Variants in PRKD3 observed in about 807,000 individuals in gnomAD.
The protein encoded by PRKD3 is serine/threonine-protein kinase D3.
In PRKD3, 47 loss-of-function variants were observed where a neutral mutation model predicts 99.2. The observed-to-expected ratio is 0.47, with a 90% CI of 0.38 to 0.60. The LOEUF (loss-of-function observed/expected upper bound fraction) is 0.60. Among genes scored for constraint, PRKD3 ranks in the 20% least tolerant of loss-of-function variants. PRKD3 has a pLI of 0.00. For synonymous variants in PRKD3, 392 were observed against 355.4 expected, an observed-to-expected ratio of 1.10 and a Z score of -1.16; for missense variants, 1,019 against 1,088.4, an observed-to-expected ratio of 0.94 and a Z score of 0.90.
intron 2 of PRKD3, among the ~76,000 whole-genome samples, chr2:37,310,820 A>C (rs1671391883): frequency 6.6e-6 from 1 of 152,240 alleles, no homozygotes; most frequent in South Asian, 2.1e-4. Context: ...ACCAGAGATC[A>C]GAGATTGATC....
chr2:37,272,647 G>A (rs893937085), intron 11 of PRKD3, among the ~76,000 whole-genome samples: 2 of 151,966 alleles, frequency 1.3e-5, no homozygotes, highest in Admixed American at 6.6e-5. Context: ...ACATTTAATC[G>A]ATGATGTAGG....
At chr2:37,278,039 T>C in intron 8 of PRKD3, 50 bp from the exon 9 acceptor site, 1 of 1,503,590 alleles carries the variant, frequency 6.7e-7, no homozygotes, top group Non-Finnish European at 9.1e-7. Flanking sequence ...TAAAAAATCA[T>C]ATAAATACTG....
chr2:37,287,799 C>A (rs1286990569), intron 5 of PRKD3, among the ~76,000 whole-genome samples: 1 of 152,166 alleles, frequency 6.6e-6, no homozygotes, highest in Non-Finnish European at 1.5e-5. Context: ...GTCATAGTTA[C>A]CAAAATCTAC....
At position 37,293,285 on chromosome 2, in the gene PRKD3, G is replaced by T; in HGVS notation, c.289-14C>A. 1 of 1,562,154 alleles carries T rather than the reference G, an allele frequency of 6.4e-7. No homozygotes were observed. The highest frequency in any genetic ancestry group is 8.8e-7 in the Non-Finnish European group (1 of 1,141,960). On this transcript the variant is annotated splice_polypyrimidine_tract_variant and intron_variant, in intron 2 of 18. Coordinates refer to ENST00000234179, the MANE Select transcript of PRKD3 (RefSeq NM_005813.6). ...ACACTCTGGAAACTGAGGGATAATA[G>T]TCCTATATCAGTATGACCACAGTTT...
In PRKD3 at chr2:37,250,583, T is replaced by A; in HGVS notation, c.*2594A>T. 6.6e-6 allele frequency: 1 copy of A among 152,322 alleles called. No individual in the cohort carries two copies. Among genetic ancestry groups the A allele is most frequent in the Non-Finnish European group, 1.5e-5 (1 of 68,026 alleles). The allele number at this position is 152,322 out of a possible 1,614,324, so 9.4% of individuals were successfully genotyped here. Reference sequence around the variant, plus strand: ...TCAGTGTTTTTAAATATAGCATTAGTTCCATTTACAAATACTGTTTCCAAA... The same window carrying A: ...TCAGTGTTTTTAAATATAGCATTAGATCCATTTACAAATACTGTTTCCAAA... On this transcript the variant is annotated 3_prime_UTR_variant, in exon 19 of 19. Transcript: ENST00000234179.
chr2:37,317,734 A>G (rs904477584), intron 1 of PRKD3: 1 of 152,200 alleles, frequency 6.6e-6, no homozygotes, highest in Non-Finnish European at 1.5e-5. Flanking sequence ...AATGATCAAT[A>G]AGTGTGAAAG....
chr2:37,259,829 T>C (rs960808247), intron 15 of PRKD3, 148 bp from the exon 16 acceptor site: 54 of 608,266 alleles, frequency 8.9e-5, no homozygotes, highest in Non-Finnish European at 1.4e-4. Context: ...AGGTTAACAA[T>C]TCCCACAATC....
At chr2:37,259,814 C>T (rs1668267976) in intron 15 of PRKD3, 133 bp from the exon 16 acceptor site, 1 of 630,372 alleles carries the variant, frequency 1.6e-6, no homozygotes, top group Non-Finnish European at 2.8e-6. Context: ...TTATTCTGCT[C>T]CTTAAGGTTA....
chr2:37,316,537 A>C lies in PRKD3; in HGVS notation c.-13T>G. Reference sequence around the variant, plus strand: ...TATTTGCAGACATCTGCCTTTCTTTAATCTTTTAAAATAGTTGTCGATTCT... The same window carrying C: ...TATTTGCAGACATCTGCCTTTCTTTCATCTTTTAAAATAGTTGTCGATTCT... On this transcript the variant is annotated 5_prime_UTR_variant, in exon 2 of 19. It adds an upstream start codon to the 5' untranslated region. Coordinates refer to ENST00000234179, the MANE Select transcript of PRKD3 (RefSeq NM_005813.6). The C allele has an allele frequency of 6.2e-7, 1 of 1,601,010 alleles. No homozygotes were observed.
intron 2 of PRKD3, among the ~76,000 whole-genome samples, chr2:37,297,937 A>G (rs762754420): frequency 1.2e-4 from 18 of 152,208 alleles, no homozygotes; most frequent in Non-Finnish European, 2.2e-4. Context: ...CATTATGAGC[A>G]GAGCACTTAA....
intron 3 of PRKD3, among the ~76,000 whole-genome samples, chr2:37,292,826 A>G (rs11693917): frequency 0.28 from 41,388 of 149,894 alleles, 7,227 homozygotes; most frequent in Non-Finnish European, 0.37. Flanking sequence ...TTTTTTTTTA[A>G]ATTTTTAGTA....
At chr2:37,276,886 C>T (rs926183086) in intron 9 of PRKD3, among the ~76,000 whole-genome samples, 1 of 151,218 alleles carries the variant, frequency 6.6e-6, no homozygotes. Flanking sequence ...ATGCTTGTCC[C>T]AACACCATTT....
rs1671674268 is a variant in PRKD3 at position 37,316,631 on chromosome 2, G to A, written c.-107C>T. On this transcript the variant is annotated 5_prime_UTR_variant, in exon 2 of 19. Transcript: ENST00000234179. ...GAAAATGACCGCACTTTTGGATTTA[G>A]TTGAAAACTTCTTTATTTCCTCTGT... The A allele has an allele frequency of 6.7e-7, 1 of 1,490,482 alleles. No homozygotes were observed. The highest frequency in any genetic ancestry group is 2.4e-5 in the Admixed American group (1 of 41,252). The allele number at this position is 1,490,482 out of a possible 1,614,324, so 92.3% of individuals were successfully genotyped here. A position where few individuals can be genotyped will look rare whatever the true frequency, so the allele number is the denominator to read the frequency against.
chr2:37,267,671 C>A, intron 13 of PRKD3, 135 bp from the exon 14 acceptor site: 1 of 651,434 alleles, frequency 1.5e-6, no homozygotes, highest in East Asian at 2.9e-5. Flanking sequence ...CTCCACACTC[C>A]TTCACTCACC....
At chr2:37,289,037 G>A (rs1400810629) in intron 5 of PRKD3, among the ~76,000 whole-genome samples, 1 of 148,658 alleles carries the variant, frequency 6.7e-6, no homozygotes, top group Non-Finnish European at 1.5e-5. Flanking sequence ...CTGGGCGACA[G>A]AGCAAGACTC....
At chr2:37,324,535 C>G (rs1186104900) in intron 1 of PRKD3, 146 bp downstream of exon 1, 8 of 129,266 alleles carry the variant, frequency 6.2e-5, no homozygotes, top group African/African-American at 2.3e-4. Flanking sequence ...CCGCCGCCGC[C>G]GCGTGCAGTT....
chr2:37,254,589 G>A (rs959960320), intron 17 of PRKD3, among the ~76,000 whole-genome samples: 3 of 152,276 alleles, frequency 2.0e-5, no homozygotes, highest in Non-Finnish European at 4.4e-5. Flanking sequence ...GTGTGATACT[G>A]GGTCAGTTAC....
intron 14 of PRKD3, 67 bp downstream of exon 14, chr2:37,267,358 AAAAAG>A: frequency 2.7e-6 from 3 of 1,120,468 alleles, no homozygotes; most frequent in Non-Finnish European, 3.8e-6. Context: ...AAAAAAAAAA[AAAAAG>A]AGAAGCAGTT....
chr2:37,269,538 A>G (rs1250670769), intron 13 of PRKD3, 77 bp downstream of exon 13: 4 of 1,322,822 alleles, frequency 3.0e-6, no homozygotes, highest in East Asian at 2.3e-5. Flanking sequence ...TGAGATGACA[A>G]AACAGCTGGC....
Sources: allele counts gnomAD v4.1 joint callset (sites outside exome capture counted in the v4.1 genomes callset), GRCh38; gene constraint gnomAD v4.1.1; transcripts MANE v1.5; gene names NCBI Gene and HGNC (gene_info 2026-07-23, HGNC 2026-07-21).